CCSER1: variants seen among roughly 807,000 people sequenced by gnomAD.
CCSER1 encodes the protein serine-rich coiled-coil domain-containing protein 1.
Under a neutral mutation model 82.0 loss-of-function variants are expected in CCSER1, and 41 were observed. The ratio of observed to expected loss-of-function variants is 0.50; its 90% CI spans 0.39 to 0.65. The LOEUF is 0.65. Among genes scored for constraint, CCSER1 ranks in the 30% least tolerant of loss-of-function variants. The probability of loss-of-function intolerance (pLI) is 0.00; values close to 1 mark genes in which losing one functional copy is unlikely to be tolerated. For missense variants in CCSER1, 1,119 were observed against 1,064.2 expected (o/e 1.05, Z -0.72); for synonymous variants, 414 against 383.9 (o/e 1.08, Z -0.92).
At chr4:90,886,585 T>C (rs889598289) in intron 8 of CCSER1, among the ~76,000 whole-genome samples, 11 of 152,216 alleles carry the variant, frequency 7.2e-5, no homozygotes, top group African/African-American at 2.7e-4. Context: ...ATAATCACTG[T>C]TAGTAAAAAT....
At chr4:90,857,408 C>T (rs990915278) in intron 8 of CCSER1, among the ~76,000 whole-genome samples, 1 of 152,034 alleles carries the variant, frequency 6.6e-6, no homozygotes, top group Non-Finnish European at 1.5e-5. Context: ...CTTATTTCCT[C>T]TAAGGGAGCA....
intron 5 of CCSER1, among the ~76,000 whole-genome samples, chr4:90,565,730 T>G (rs1579193627): frequency 6.6e-6 from 1 of 152,364 alleles, no homozygotes; most frequent in South Asian, 2.1e-4. Context: ...ATTTTGAATT[T>G]TATCAAATGC....
chr4:90,300,239 A>AT (rs1732838856), intron 1 of CCSER1, among the ~76,000 whole-genome samples: 1 of 152,082 alleles, frequency 6.6e-6, no homozygotes, highest in African/African-American at 2.4e-5. Flanking sequence ...TTTCAGTATT[A>AT]TTTTATGTCA....
intron 10 of CCSER1, among the ~76,000 whole-genome samples, chr4:91,377,241 TTATAATCCTTTGGG>T (rs1441397322): frequency 1.3e-5 from 2 of 152,196 alleles, no homozygotes; most frequent in Non-Finnish European, 2.9e-5. Flanking sequence ...GCAGGATGAC[TTATAATCCTTTGGG>T]TATATACCCA....
In CCSER1 at chr4:90,616,317, A is replaced by C. The variant is rs561943245; in HGVS notation, c.1725-11708A>C. Among the ~76,000 whole-genome samples the C allele has an allele frequency of 1.1e-4, 16 of 152,176 alleles. No homozygotes were observed. In the South Asian group the frequency reaches 3.1e-3, roughly 30 times the overall value. ...CAATGATTCTAGGAAACTTTTTTTT[A>C]ATAAAGTAGTTTTTGGTTAAAATTT... On this transcript the variant is annotated intron_variant, in intron 5 of 10. Coordinates refer to ENST00000509176, the MANE Select transcript of CCSER1 (RefSeq NM_001145065.2).
intron 10 of CCSER1, among the ~76,000 whole-genome samples, chr4:91,394,664 T>C (rs1751855976): frequency 6.6e-6 from 1 of 152,110 alleles, no homozygotes; most frequent in Non-Finnish European, 1.5e-5. Context: ...GCATTGAATG[T>C]TTGTTTTGAA....
chr4:90,432,055 G>A (rs28396581), intron 4 of CCSER1, among the ~76,000 whole-genome samples: 4,733 of 152,094 alleles, frequency 0.031, 132 homozygotes, highest in African/African-American at 0.084. Context: ...GAAATCTTGG[G>A]TAGTGCCAGA....
At chr4:90,595,285 A>T (rs1031893314) in intron 5 of CCSER1, among the ~76,000 whole-genome samples, 1 of 152,030 alleles carries the variant, frequency 6.6e-6, no homozygotes, top group Non-Finnish European at 1.5e-5. Context: ...TGCCTCAAAC[A>T]GTTATTTTAA....
rs368916233 is a variant in CCSER1 at position 90,312,996 on chromosome 4, T to C, written c.1458T>C (p.Asn486=). Residue 486 remains asparagine (N), a synonymous_variant, in exon 3 of 11, where the codon AAT becomes AAC. Coordinates refer to ENST00000509176, the MANE Select transcript of CCSER1 (RefSeq NM_001145065.2). ...AAGATGGAAATATAGAAGAAGTTAA[T>C]AGTTTAAGAAAGCAAAGAGCAGGTT... ...KPKDGNIEEV[N]SLRKQRAGSS... The C allele has an allele frequency of 2.3e-4, 375 of 1,604,990 alleles. 2 individuals are homozygous for C. The South Asian group carries it at 3.8e-3, about 16-fold the overall frequency.
In CCSER1 at chr4:90,400,024, AT is replaced by A; in HGVS notation, c.1510-7del. The A allele has an allele frequency of 6.5e-7, 1 of 1,547,112 alleles. No individual in the cohort carries two copies. On this transcript the variant is annotated splice_polypyrimidine_tract_variant and intron_variant, in intron 3 of 10. Coordinates refer to ENST00000509176, the MANE Select transcript of CCSER1 (RefSeq NM_001145065.2). ...TTTTGGTTTCTAATTGTTGGTTTTGATTTTTCTTCAGGATGTTTTGAATAAT... is the reference window on the plus strand; with the variant it reads ...TTTTGGTTTCTAATTGTTGGTTTTGATTTTCTTCAGGATGTTTTGAATAAT...
At chr4:91,313,288 G>C (rs1395287988) in intron 10 of CCSER1, among the ~76,000 whole-genome samples, 1 of 151,650 alleles carries the variant, frequency 6.6e-6, no homozygotes, top group Non-Finnish European at 1.5e-5. Flanking sequence ...CTTTTTCTAA[G>C]ATTTTTGATG....
intron 5 of CCSER1, among the ~76,000 whole-genome samples, chr4:90,515,152 G>A (rs180921001): frequency 1.1e-3 from 160 of 152,208 alleles, no homozygotes; most frequent in African/African-American, 3.6e-3. Flanking sequence ...CACCGCAACC[G>A]GCCACATAGT....
chr4:91,250,736 T>C (rs1436371009), intron 10 of CCSER1, among the ~76,000 whole-genome samples: 2 of 151,806 alleles, frequency 1.3e-5, no homozygotes, highest in Non-Finnish European at 2.9e-5. Flanking sequence ...TGAAGAATTT[T>C]TTTAAAAAAC....
chr4:91,162,508 C>T (rs889505529), intron 10 of CCSER1, among the ~76,000 whole-genome samples: 4 of 152,096 alleles, frequency 2.6e-5, no homozygotes. Flanking sequence ...AGGAATGGTA[C>T]CAGCTCCTCC....
intron 10 of CCSER1, among the ~76,000 whole-genome samples, chr4:91,595,500 G>A (rs1764520482): frequency 6.6e-6 from 1 of 152,098 alleles, no homozygotes; most frequent in Non-Finnish European, 1.5e-5. Context: ...AGGTCTGTTA[G>A]TTACATTATA....
At chr4:90,813,321 T>C (rs1336219391) in intron 7 of CCSER1, among the ~76,000 whole-genome samples, 1 of 152,234 alleles carries the variant, frequency 6.6e-6, no homozygotes, top group Non-Finnish European at 1.5e-5. Flanking sequence ...CATTTGACTC[T>C]GTGTCTTACA....
At chr4:91,357,165 T>C (rs1276051028) in intron 10 of CCSER1, among the ~76,000 whole-genome samples, 2 of 152,208 alleles carry the variant, frequency 1.3e-5, no homozygotes, top group Non-Finnish European at 2.9e-5. Context: ...TTTTTATTAG[T>C]TTTTAGACCA....
chr4:90,968,104 C>A (rs961572304), intron 9 of CCSER1, among the ~76,000 whole-genome samples: 2 of 151,626 alleles, frequency 1.3e-5, no homozygotes, highest in Non-Finnish European at 2.9e-5. Flanking sequence ...AACATGAGAA[C>A]AGTAGGTGTA....
intron 10 of CCSER1, among the ~76,000 whole-genome samples, chr4:91,550,531 A>G (rs550203920): frequency 2.6e-5 from 4 of 152,326 alleles, no homozygotes; most frequent in Admixed American, 2.6e-4. Flanking sequence ...GAATCTAAGA[A>G]GAGTTGTTGA....
Sources: gnomAD v4.1 joint callset for allele counts (sites outside exome capture counted in the v4.1 genomes callset) on GRCh38, gnomAD v4.1.1 for gene constraint, MANE v1.5 for transcripts, NCBI Gene and HGNC (gene_info 2026-07-23, HGNC 2026-07-21) for gene names.